MYO16: variants seen among roughly 807,000 people sequenced by gnomAD.
The protein encoded by MYO16 is myosin XVI.
MYO16 carries 94 observed loss-of-function variants against 205.3 expected under a neutral mutation model. The ratio of observed to expected loss-of-function variants is 0.46; its 90% CI spans 0.39 to 0.54. The LOEUF (loss-of-function observed/expected upper bound fraction) is 0.54. Ranked by LOEUF, MYO16 falls within the 20% of genes least tolerant of loss-of-function variation. The probability of loss-of-function intolerance (pLI) is 0.00; values close to 1 mark genes in which losing one functional copy is unlikely to be tolerated. For synonymous variants in MYO16, 988 were observed against 954.0 expected, an observed-to-expected ratio of 1.04 and a Z score of -0.66; for missense variants, 2,315 against 2,387.5, an observed-to-expected ratio of 0.97 and a Z score of 0.63.
chr13:108,605,137 G>T (rs1029292440), intron 1 of MYO16, among the ~76,000 whole-genome samples: 2 of 152,132 alleles, frequency 1.3e-5, no homozygotes, highest in African/African-American at 4.8e-5. Flanking sequence ...TTATATGCTT[G>T]TTCAGTTTTA....
chr13:108,750,893 A>G (rs991835609), intron 4 of MYO16, among the ~76,000 whole-genome samples: 2 of 152,162 alleles, frequency 1.3e-5, no homozygotes, highest in Admixed American at 6.6e-5. Context: ...CAGCTTTCTC[A>G]TTGATGCAGT....
intron 3 of MYO16, among the ~76,000 whole-genome samples, chr13:108,720,196 C>T (rs147048806): frequency 5.3e-5 from 8 of 152,248 alleles, no homozygotes; most frequent in African/African-American, 1.9e-4. Flanking sequence ...CAAGATAACA[C>T]TACAGTGAAT....
intron 4 of MYO16, among the ~76,000 whole-genome samples, chr13:108,744,326 CT>C (rs1381323649): frequency 2.0e-5 from 3 of 152,158 alleles, no homozygotes; most frequent in Non-Finnish European, 4.4e-5. Flanking sequence ...CTAAATTCTA[CT>C]CATAGTCACC....
At chr13:108,600,944 T>G (rs1878739737) in intron 1 of MYO16, among the ~76,000 whole-genome samples, 1 of 151,918 alleles carries the variant, frequency 6.6e-6, no homozygotes, top group Non-Finnish European at 1.5e-5. Flanking sequence ...CTTATCCTCA[T>G]GAAGATTTTT....
At chr13:109,148,729 G>A (rs1399285236) in intron 32 of MYO16, among the ~76,000 whole-genome samples, 1 of 152,174 alleles carries the variant, frequency 6.6e-6, no homozygotes, top group Non-Finnish European at 1.5e-5. Context: ...AAAGTGAGGA[G>A]CCGCTGCAGG....
intron 4 of MYO16, among the ~76,000 whole-genome samples, chr13:108,736,873 A>T (rs1884721948): frequency 6.6e-6 from 1 of 152,138 alleles, no homozygotes; most frequent in Admixed American, 6.5e-5. Context: ...TGTAAGTTGG[A>T]TTCCTAGGTA....
At chr13:108,936,620 A>G (rs1001882894) in intron 16 of MYO16, among the ~76,000 whole-genome samples, 1 of 152,014 alleles carries the variant, frequency 6.6e-6, no homozygotes, top group Non-Finnish European at 1.5e-5. Context: ...ATTTTATCTA[A>G]TATAAGAATA....
At position 108,665,903 on chromosome 13, in the gene MYO16, A is replaced by G. The variant is rs778794775; in HGVS notation, c.46A>G (p.Asn16Asp). 2 of 1,613,918 alleles carry G rather than the reference A, an allele frequency of 1.2e-6. No homozygotes were observed. Among genetic ancestry groups the G allele is most frequent in the South Asian group, 2.2e-5 (2 of 91,062 alleles). ...TCTTCCAGGTTGCTTTCAGCTATGT[A>G]ACGTTTTTCGATCCCATGAGATGGA... ...FIKCCCFQLC[N>D]VFRSHEMEID... The change falls in exon 2 of 35, where the codon AAC becomes GAC. Residue 16 changes from asparagine to aspartate, a missense_variant. By Grantham distance (23) the Asn-to-Asp change is conservative (BLOSUM62 1). Around this residue, in one of 3 missense-constraint regions of MYO16, gnomAD observed 1,213 missense variants for 1,274.4 expected, o/e 0.95. Transcript: ENST00000457511.
chr13:108,888,884 G>A (rs542107524), intron 14 of MYO16, among the ~76,000 whole-genome samples: 2 of 152,016 alleles, frequency 1.3e-5, no homozygotes, highest in South Asian at 2.1e-4. Context: ...GTGAAACCTC[G>A]TCTCTACTAA....
intron 23 of MYO16, among the ~76,000 whole-genome samples, chr13:109,024,273 T>C (rs1886287545): frequency 1.3e-5 from 2 of 151,796 alleles, no homozygotes. Flanking sequence ...TTTTACAATT[T>C]ACAATGAGGT....
At chr13:108,892,350 CT>C (rs1880214494) in intron 14 of MYO16, among the ~76,000 whole-genome samples, 1 of 152,114 alleles carries the variant, frequency 6.6e-6, no homozygotes, top group South Asian at 2.1e-4. Context: ...AGCAATTCTC[CT>C]GCCTCAGCCT....
chr13:108,865,033 C>CCGACA (rs1320339450), intron 11 of MYO16, among the ~76,000 whole-genome samples: 1 of 152,046 alleles, frequency 6.6e-6, no homozygotes, highest in Non-Finnish European at 1.5e-5. Context: ...ATTTAGTTTT[C>CCGACA]TGGTGGGTGA....
chr13:109,080,354 G>C (rs141252803), intron 27 of MYO16, among the ~76,000 whole-genome samples: 2,634 of 152,222 alleles, frequency 0.017, 43 homozygotes, highest in Middle Eastern at 0.075. Context: ...GATGCTAGAC[G>C]TGAGTTTTGG....
At position 108,677,335 on chromosome 13, in the gene MYO16, G is replaced by GTA. The variant is rs747613453; in HGVS notation, c.292+11204_292+11205dup. Reference sequence around the variant, plus strand: ...TGCATGTGTGTGTGTGTGTGTGTGTGTATATATATATATATATATGCATAT... The same window carrying GTA: ...TGCATGTGTGTGTGTGTGTGTGTGTGTATATATATATATATATATATGCATAT... On this transcript the variant is annotated intron_variant, in intron 2 of 34. Coordinates refer to ENST00000457511, the MANE Select transcript of MYO16 (RefSeq NM_001198950.3). Among the ~76,000 whole-genome samples the GTA allele has an allele frequency of 9.3e-3, 814 of 87,416 alleles. 7 individuals carry two copies. Among genetic ancestry groups the GTA allele is most frequent in the Admixed American group, 0.02 (186 of 9,340 alleles). 57.3% of individuals were successfully genotyped at this position (87,416 alleles called of 152,430 possible).
intron 9 of MYO16, among the ~76,000 whole-genome samples, chr13:108,836,045 A>C (rs1241805703): frequency 6.6e-6 from 1 of 152,124 alleles, no homozygotes; most frequent in African/African-American, 2.4e-5. Flanking sequence ...CATGTCAGAG[A>C]CCTTCACAGC....
At chr13:108,671,587 AATT>A (rs1396544426) in intron 2 of MYO16, among the ~76,000 whole-genome samples, 1 of 152,232 alleles carries the variant, frequency 6.6e-6, no homozygotes, top group Non-Finnish European at 1.5e-5. Context: ...AATTTGTAAC[AATT>A]ATTATAATTT....
intron 16 of MYO16, among the ~76,000 whole-genome samples, chr13:108,940,634 G>A (rs1218201798): frequency 6.6e-6 from 1 of 152,148 alleles, no homozygotes; most frequent in Admixed American, 6.5e-5. Flanking sequence ...ATTATATTAT[G>A]TAATATGGAG....
chr13:108,604,692 T>A (rs1181676991), intron 1 of MYO16, among the ~76,000 whole-genome samples: 1 of 152,228 alleles, frequency 6.6e-6, no homozygotes, highest in Non-Finnish European at 1.5e-5. Context: ...ATCCTTGACT[T>A]TTTTTATTTT....
intron 31 of MYO16, among the ~76,000 whole-genome samples, chr13:109,136,958 C>G (rs1396449686): frequency 6.6e-6 from 1 of 152,208 alleles, no homozygotes; most frequent in East Asian, 1.9e-4. Flanking sequence ...TATTATATCT[C>G]TCATGGTTCT....
Sources: allele counts gnomAD v4.1 joint callset (sites outside exome capture counted in the v4.1 genomes callset), GRCh38; gene constraint gnomAD v4.1.1; regional missense constraint gnomAD v4.1.1; transcripts MANE v1.5; gene names NCBI Gene and HGNC (gene_info 2026-07-23, HGNC 2026-07-21).